INHBA: variants seen among roughly 807,000 people sequenced by gnomAD.
The protein encoded by INHBA is inhibin subunit beta A.
In INHBA, 1 loss-of-function variant was observed where a neutral mutation model predicts 29.0. That is an observed-to-expected ratio of 0.03 (90% CI 0.01 to 0.16). The LOEUF is 0.16. Ranked by LOEUF, INHBA falls within the 10% of genes least tolerant of loss-of-function variation. The probability of loss-of-function intolerance (pLI) is 1.00; values close to 1 mark genes in which losing one functional copy is unlikely to be tolerated. For synonymous variants in INHBA, 242 were observed against 216.8 expected (o/e 1.12, Z -1.02); for missense variants, 376 against 545.4 (o/e 0.69, Z 3.09).
At chr7:41,702,382 G>T (rs1301259872) in intron 1 of INHBA, among the ~76,000 whole-genome samples, 1 of 152,132 alleles carries the variant, frequency 6.6e-6, no homozygotes, top group Admixed American at 6.5e-5. Context: ...TGGGGTTTCA[G>T]CTCCAGAAAC....
chr7:41,687,901 A>G lies in INHBA; in HGVS notation c.*1749T>C, dbSNP rs1018338231. Reference sequence around the variant, plus strand: ...CACTAAGTTGGAAAAACATCAGCCCAGAGTTTTGATTATCATCCTGTTTTC... The same window carrying G: ...CACTAAGTTGGAAAAACATCAGCCCGGAGTTTTGATTATCATCCTGTTTTC... On this transcript the variant is annotated 3_prime_UTR_variant, in exon 3 of 3. Transcript: ENST00000242208. 1.3e-5 allele frequency: 2 copies of G among 152,262 alleles called. No individual in the cohort carries two copies. The highest frequency in any genetic ancestry group is 4.8e-5 in the African/African-American group (2 of 41,478). The allele number at this position is 152,262 out of a possible 1,614,324, so 9.4% of individuals were successfully genotyped here.
At chr7:41,702,073 C>G (rs1055276841) in intron 1 of INHBA, among the ~76,000 whole-genome samples, 2 of 152,146 alleles carry the variant, frequency 1.3e-5, no homozygotes. Context: ...CCTTCCCTCT[C>G]GGTTTCTTTC....
rs1329874762 is a variant in INHBA, at chr7:41,687,559, T to C, written c.*2091A>G. On this transcript the variant is annotated 3_prime_UTR_variant, in exon 3 of 3. Transcript: ENST00000242208. ...GATATTTATAAAACAAAGGTGTTTTTTTTTCATTTCTGCATCTGAATCAAT... is the reference window on the plus strand; with the variant it reads ...GATATTTATAAAACAAAGGTGTTTTCTTTTCATTTCTGCATCTGAATCAAT... 6.6e-6 allele frequency: 1 copy of C among 152,186 alleles called. No homozygotes were observed. Among genetic ancestry groups the C allele is most frequent in the Non-Finnish European group, 1.5e-5 (1 of 68,030 alleles). 9.4% of individuals were successfully genotyped at this position (152,186 alleles called of 1,614,324 possible). A position where few individuals can be genotyped will look rare whatever the true frequency, so the allele number is the denominator to read the frequency against.
chr7:41,703,992 G>C (rs1328628700), upstream of INHBA, among the ~76,000 whole-genome samples: 2 of 152,120 alleles, frequency 1.3e-5, no homozygotes, highest in African/African-American at 4.8e-5. Context: ...AGGAGGAAGG[G>C]GTCCTCTGAC....
chr7:41,704,296 C>T (rs1794861500), upstream of INHBA, among the ~76,000 whole-genome samples: 1 of 150,750 alleles, frequency 6.6e-6, no homozygotes, highest in Non-Finnish European at 1.5e-5. Flanking sequence ...GGGTGCTGAG[C>T]TGCATGGGGG....
chr7:41,694,212 A>T (rs1259614297), intron 2 of INHBA: 1 of 152,182 alleles, frequency 6.6e-6, no homozygotes, highest in Non-Finnish European at 1.5e-5. Flanking sequence ...CGTGGGATTG[A>T]TGTTTATCAG....
chr7:41,686,581 C>T lies in INHBA; in HGVS notation c.*3069G>A, dbSNP rs185524358. ...TATCAAAAAATGGTAGCAACTTATA[C>T]TTCTATTTCAAAGCCATATAAATTT... On this transcript the variant is annotated 3_prime_UTR_variant, in exon 3 of 3. Coordinates refer to ENST00000242208, the MANE Select transcript of INHBA (RefSeq NM_002192.4). 137 of 152,224 alleles carry T rather than the reference C, an allele frequency of 9.0e-4. 1 individual carries two copies. Among genetic ancestry groups the T allele is most frequent in the African/African-American group, 3.2e-3 (132 of 41,550 alleles). 9.4% of individuals were successfully genotyped at this position (152,224 alleles called of 1,614,324 possible).
At position 41,690,396 on chromosome 7, in the gene INHBA, G is replaced by C; in HGVS notation, c.535C>G (p.Gln179Glu). 1.2e-6 allele frequency: 2 copies of C among 1,614,080 alleles called. No individual in the cohort carries two copies. The highest frequency in any genetic ancestry group is 4.5e-5 in the East Asian group (2 of 44,832). The change falls in exon 3 of 3, where the codon CAG (glutamine) becomes GAG (glutamate). Residue 179 changes from glutamine to glutamate, a missense_variant. Coordinates refer to ENST00000242208, the MANE Select transcript of INHBA (RefSeq NM_002192.4). ...TKVTIRLFQQ[Q>E]KHPQGSLDTG... ...TCCAAGCTGCCCTGCGGGTGCTTCT[G>C]CTGCTGGAAGAGGCGGATGGTGACT...
chr7:41,690,752 G>A (rs1264484893), intron 2 of INHBA, among the ~76,000 whole-genome samples: 1 of 152,176 alleles, frequency 6.6e-6, no homozygotes, highest in East Asian at 1.9e-4. Flanking sequence ...AAAGAAAAGT[G>A]ATATTTTGTG....
chr7:41,690,517 G>A lies in INHBA; in HGVS notation c.414C>T (p.Phe138=). 1 of 1,607,910 alleles carries A rather than the reference G, an allele frequency of 6.2e-7. No homozygotes were observed. The highest frequency in any genetic ancestry group is 8.5e-7 in the Non-Finnish European group (1 of 1,177,494). Residue 138 remains phenylalanine (F), a synonymous_variant, in exon 3 of 3, where the codon TTC becomes TTT. Transcript: ENST00000242208. ...GGTCACTGCCTTCCTTGGAAATCTC[G>A]AAGTGCAGCGTCTTCCTGGCTGTTC... ...ESGTARKTLH[F]EISKEGSDLS...
chr7:41,702,332 A>G (rs544740773), intron 1 of INHBA, among the ~76,000 whole-genome samples: 4 of 152,300 alleles, frequency 2.6e-5, no homozygotes, highest in Non-Finnish European at 4.4e-5. Context: ...CAAAACAACT[A>G]TTTGTAAGAC....
chr7:41,701,610 G>T (rs1052110665), intron 1 of INHBA, among the ~76,000 whole-genome samples: 1 of 152,044 alleles, frequency 6.6e-6, no homozygotes, highest in Non-Finnish European at 1.5e-5. Flanking sequence ...CCCTTCTGCC[G>T]GGGACCCACT....
At chr7:41,702,156 A>G (rs1299403397) in intron 1 of INHBA, among the ~76,000 whole-genome samples, 2 of 152,212 alleles carry the variant, frequency 1.3e-5, no homozygotes, top group Non-Finnish European at 2.9e-5. Context: ...TCATAGCATT[A>G]CAGTCAAGCA....
intron 2 of INHBA, among the ~76,000 whole-genome samples, chr7:41,696,301 T>C (rs1794646760): frequency 6.6e-6 from 1 of 152,204 alleles, no homozygotes; most frequent in African/African-American, 2.4e-5. Context: ...GTATCGCTGA[T>C]GATTCATAGT....
upstream of INHBA, chr7:41,705,223 C>T (rs932295116): frequency 2.6e-5 from 4 of 153,380 alleles, no homozygotes; most frequent in Admixed American, 2.0e-4. Context: ...TTCCCCCTCC[C>T]CCGGAGCTTC....
In INHBA at chr7:41,686,954, A is replaced by T. The variant is rs1276851757; in HGVS notation, c.*2696T>A. The T allele has an allele frequency of 6.6e-6, 1 of 152,198 alleles. No individual in the cohort carries two copies. The highest frequency in any genetic ancestry group is 2.4e-5 in the African/African-American group (1 of 41,466). The allele number at this position is 152,198 out of a possible 1,614,324, so 9.4% of individuals were successfully genotyped here. ...AGAAGATGCAGTTCAAAATACTGCCAGTTTTCCAAGAAATTTTGTAAAGTT... is the reference window on the plus strand; with the variant it reads ...AGAAGATGCAGTTCAAAATACTGCCTGTTTTCCAAGAAATTTTGTAAAGTT... On this transcript the variant is annotated 3_prime_UTR_variant, in exon 3 of 3. Transcript: ENST00000242208.
intron 2 of INHBA, 81 bp from the exon 3 acceptor site, chr7:41,690,623 A>G: frequency 1.4e-6 from 2 of 1,445,416 alleles, no homozygotes; most frequent in Non-Finnish European, 1.8e-6. Flanking sequence ...ATTTCAGGCA[A>G]GCAGGAGTCT....
In INHBA at chr7:41,685,906, G is replaced by A. The variant is rs751928187; in HGVS notation, c.*3744C>T. On this transcript the variant is annotated 3_prime_UTR_variant, in exon 3 of 3. Coordinates refer to ENST00000242208, the MANE Select transcript of INHBA (RefSeq NM_002192.4). ...TATTTATTTTGTGGGTTTTCAGGGT[G>A]ACTAAGTTTTTCCCTACATTGAAAA... 3.3e-5 allele frequency: 5 copies of A among 152,014 alleles called. No homozygotes were observed. Among genetic ancestry groups the A allele is most frequent in the Non-Finnish European group, 5.9e-5 (4 of 67,976 alleles). 9.4% of individuals were successfully genotyped at this position (152,014 alleles called of 1,614,324 possible). A position where few individuals can be genotyped will look rare whatever the true frequency, so the allele number is the denominator to read the frequency against.
rs374328001 is a variant in INHBA, at chr7:41,687,688, CCT to C, written c.*1960_*1961del. The C allele has an allele frequency of 8.5e-5, 13 of 152,110 alleles. No homozygotes were observed. Among genetic ancestry groups the C allele is most frequent in the African/African-American group, 3.1e-4 (13 of 41,408 alleles). 9.4% of individuals were successfully genotyped at this position (152,110 alleles called of 1,614,324 possible). A position where few individuals can be genotyped will look rare whatever the true frequency, so the allele number is the denominator to read the frequency against. Reference sequence around the variant, plus strand: ...CTTAACTGTTCTCTTCCTTACTCTCCCTCTCTTAACACTTTCTCTCAAATTAA... The same window carrying C: ...CTTAACTGTTCTCTTCCTTACTCTCCCTCTTAACACTTTCTCTCAAATTAA... On this transcript the variant is annotated 3_prime_UTR_variant, in exon 3 of 3. Transcript: ENST00000242208.
Sources: gnomAD v4.1 joint callset for allele counts (sites outside exome capture counted in the v4.1 genomes callset) on GRCh38, gnomAD v4.1.1 for gene constraint, MANE v1.5 for transcripts, NCBI Gene and HGNC (gene_info 2026-07-23, HGNC 2026-07-21) for gene names.